NR2C1: variants seen among roughly 807,000 people sequenced by gnomAD.
NR2C1 encodes nuclear receptor subfamily 2 group C member 1, also known as TR2 nuclear hormone receptor.
In NR2C1, 33 loss-of-function variants were observed where a neutral mutation model predicts 74.8. The ratio of observed to expected loss-of-function variants is 0.44; its 90% CI spans 0.33 to 0.59. NR2C1 has a LOEUF of 0.59. Ranked by LOEUF, NR2C1 falls within the 20% of genes least tolerant of loss-of-function variation. The pLI, the probability that NR2C1 is intolerant of heterozygous loss-of-function variation, is 0.02. For missense variants in NR2C1, 568 were observed against 715.6 expected, an observed-to-expected ratio of 0.79 and a Z score of 2.35; for synonymous variants, 225 against 240.6, an observed-to-expected ratio of 0.94 and a Z score of 0.60.
At chr12:95,072,842 G>A (rs900713987) in intron 1 of NR2C1, 2 of 152,302 alleles carry the variant, frequency 1.3e-5, no homozygotes, top group African/African-American at 2.4e-5. Context: ...TTTGCCGTGA[G>A]AGAAAAGTGA....
chr12:95,061,685 T>G (rs1874805015), intron 3 of NR2C1, among the ~76,000 whole-genome samples: 1 of 152,210 alleles, frequency 6.6e-6, no homozygotes, highest in Non-Finnish European at 1.5e-5. Context: ...GGAATTTTCT[T>G]TCGTGAGTTT....
intron 4 of NR2C1, among the ~76,000 whole-genome samples, chr12:95,059,408 T>C (rs1013194399): frequency 1.3e-5 from 2 of 151,758 alleles, no homozygotes; most frequent in Non-Finnish European, 2.9e-5. Flanking sequence ...AAAATATAAG[T>C]GAATAAAGAA....
chr12:95,058,604 C>T (rs1333070212), intron 4 of NR2C1, 115 bp from the exon 5 acceptor site: 2 of 806,078 alleles, frequency 2.5e-6, no homozygotes, highest in African/African-American at 3.5e-5. Flanking sequence ...TTTTGAGCTT[C>T]TGACATGAAA....
At position 95,066,264 on chromosome 12, in the gene NR2C1, G is replaced by A. The variant is rs370567253; in HGVS notation, c.54+1067C>T. 5.3e-5 allele frequency among the ~76,000 whole-genome samples: 8 copies of A among 152,278 alleles called. No individual in the cohort carries two copies. The East Asian group carries it at 1.2e-3, about 22-fold the overall frequency. ...CGCCTGTAATCCCAGCGCTTTGGAA[G>A]GCCAAGGCCAGTGAACTGCTTGAGC... On this transcript the variant is annotated intron_variant, in intron 2 of 13. Transcript: ENST00000333003.
intron 7 of NR2C1, among the ~76,000 whole-genome samples, chr12:95,055,402 T>C (rs1200804659): frequency 1.3e-5 from 2 of 152,196 alleles, no homozygotes; most frequent in Non-Finnish European, 2.9e-5. Flanking sequence ...TTTTCCAAAA[T>C]ATATGGCAAG....
intron 2 of NR2C1, among the ~76,000 whole-genome samples, chr12:95,063,290 G>T (rs1875076255): frequency 6.6e-6 from 1 of 152,178 alleles, no homozygotes; most frequent in African/African-American, 2.4e-5. Flanking sequence ...AACATTCCAG[G>T]TAGAGGAAAC....
At chr12:95,066,025 A>AT (rs1875640489) in intron 2 of NR2C1, among the ~76,000 whole-genome samples, 4 of 152,078 alleles carry the variant, frequency 2.6e-5, no homozygotes, top group South Asian at 2.1e-4. Flanking sequence ...CATTCATCCT[A>AT]TTTTTTTGTA....
At chr12:95,042,357 G>A (rs1871657890) in intron 9 of NR2C1, among the ~76,000 whole-genome samples, 1 of 151,544 alleles carries the variant, frequency 6.6e-6, no homozygotes, top group Admixed American at 6.6e-5. Flanking sequence ...CTACAGGCGT[G>A]TGCCACCAGG....
intron 3 of NR2C1, 75 bp downstream of exon 3, chr12:95,062,433 C>G: frequency 3.1e-6 from 3 of 962,944 alleles, no homozygotes; most frequent in Non-Finnish European, 4.7e-6. Flanking sequence ...GATCTAAAGT[C>G]TTCATGGCAG....
chr12:95,061,024 G>A (rs1024201869), intron 3 of NR2C1, among the ~76,000 whole-genome samples: 2 of 152,168 alleles, frequency 1.3e-5, no homozygotes, highest in African/African-American at 4.8e-5. Context: ...TTATTCCTAA[G>A]TCTGGAAGGA....
At chr12:95,071,410 T>A (rs1410545876) in intron 1 of NR2C1, among the ~76,000 whole-genome samples, 1 of 152,198 alleles carries the variant, frequency 6.6e-6, no homozygotes, top group Non-Finnish European at 1.5e-5. Flanking sequence ...GATGGTCTTG[T>A]CACTGAAAAA....
chr12:95,072,455 C>CA (rs570185714), intron 1 of NR2C1, among the ~76,000 whole-genome samples: 12,473 of 59,880 alleles, frequency 0.21, 1,584 homozygotes, highest in African/African-American at 0.39. Flanking sequence ...CTCTCCCTCT[C>CA]AAAAAAAAAA....
intron 10 of NR2C1, among the ~76,000 whole-genome samples, chr12:95,039,355 T>TC (rs1253522808): frequency 6.6e-6 from 1 of 152,218 alleles, no homozygotes. Flanking sequence ...CAATTATTAT[T>TC]CCCATTTGGC....
In NR2C1 at chr12:95,058,309, C is replaced by T; in HGVS notation, c.544+1G>A. 6.2e-7 allele frequency: 1 copy of T among 1,601,878 alleles called. No individual in the cohort carries two copies. The highest frequency in any genetic ancestry group is 8.5e-7 in the Non-Finnish European group (1 of 1,177,246). On this transcript the variant is annotated splice_donor_variant, in intron 5 of 13. Coordinates refer to ENST00000333003, the MANE Select transcript of NR2C1 (RefSeq NM_003297.4). LOFTEE classifies it high-confidence loss of function. ...TTTTCTCCTTAAAAGCTAATACATA[C>T]AGTCTTGCTTCATTCCAAACGCAAT... is the stretch of plus-strand genomic sequence containing the variant.
intron 11 of NR2C1, among the ~76,000 whole-genome samples, chr12:95,029,001 T>C (rs1049616570): frequency 6.6e-6 from 1 of 152,212 alleles, no homozygotes; most frequent in Admixed American, 6.5e-5. Flanking sequence ...TCTGCAATTA[T>C]AGCTAAAACT....
chr12:95,072,510 A>G (rs1876854346), intron 1 of NR2C1: 1 of 151,780 alleles, frequency 6.6e-6, no homozygotes, highest in Admixed American at 6.6e-5. Context: ...CACACAGCAG[A>G]AATGGTTCAA....
intron 9 of NR2C1, among the ~76,000 whole-genome samples, chr12:95,046,482 A>G (rs1454943976): frequency 6.6e-6 from 1 of 152,126 alleles, no homozygotes; most frequent in Non-Finnish European, 1.5e-5. Flanking sequence ...CAGCAACATG[A>G]AAGACTGAAG....
intron 9 of NR2C1, among the ~76,000 whole-genome samples, chr12:95,046,198 C>T (rs1872289805): frequency 6.6e-6 from 1 of 152,164 alleles, no homozygotes; most frequent in Admixed American, 6.5e-5. Context: ...CTTCAAGTTT[C>T]ATTATTAGAC....
intron 9 of NR2C1, among the ~76,000 whole-genome samples, chr12:95,042,420 C>T (rs1166837604): frequency 6.6e-6 from 1 of 151,848 alleles, no homozygotes; most frequent in East Asian, 1.9e-4. Flanking sequence ...ACCACGTTGG[C>T]CAGGCTCGTC....
Sources: gnomAD v4.1 joint callset for allele counts (sites outside exome capture counted in the v4.1 genomes callset) on GRCh38, gnomAD v4.1.1 for gene constraint, MANE v1.5 for transcripts, NCBI Gene and HGNC (gene_info 2026-07-23, HGNC 2026-07-21) for gene names.